LDLRAD4: variants seen among roughly 807,000 people sequenced by gnomAD.
LDLRAD4 encodes the protein low density lipoprotein receptor class A domain containing 4, also known as low-density lipoprotein receptor class A domain-containing protein 4.
In LDLRAD4, 5 loss-of-function variants were observed where a neutral mutation model predicts 17.0. The observed-to-expected ratio is 0.29, with a 90% CI of 0.15 to 0.62. The LOEUF (loss-of-function observed/expected upper bound fraction) is 0.62. Among genes scored for constraint, LDLRAD4 ranks in the 20% least tolerant of loss-of-function variants. LDLRAD4 has a pLI of 0.84. For missense variants in LDLRAD4, 340 were observed against 424.7 expected (o/e 0.80, Z 1.75); for synonymous variants, 168 against 171.8 (o/e 0.98, Z 0.17).
At chr18:13,468,487 A>G (rs2092684401) in intron 3 of LDLRAD4, among the ~76,000 whole-genome samples, 1 of 152,206 alleles carries the variant, frequency 6.6e-6, no homozygotes, top group Non-Finnish European at 1.5e-5. Flanking sequence ...TGACCCAGCA[A>G]TCCCATTACT....
At chr18:13,602,493 A>ATT (rs36122294) in intron 3 of LDLRAD4, among the ~76,000 whole-genome samples, 65 of 94,976 alleles carry the variant, frequency 6.8e-4, no homozygotes, top group East Asian at 1.4e-3. Flanking sequence ...ATGGCATTTA[A>ATT]TTTTTTTTTT....
intron 3 of LDLRAD4, chr18:13,472,416 C>T (rs1203253948): frequency 1.3e-5 from 2 of 152,222 alleles, no homozygotes; most frequent in African/African-American, 4.8e-5. Context: ...ATGAAATGCT[C>T]CAGCATAACA....
chr18:13,461,597 G>A (rs538221483), intron 3 of LDLRAD4: 2 of 152,184 alleles, frequency 1.3e-5, no homozygotes, highest in African/African-American at 2.4e-5. Context: ...TCCTGAGCCC[G>A]GTTACAGAAT....
intron 1 of LDLRAD4, among the ~76,000 whole-genome samples, chr18:13,247,697 T>A (rs1285510888): frequency 6.6e-6 from 1 of 152,132 alleles, no homozygotes; most frequent in Non-Finnish European, 1.5e-5. Context: ...GCAAAGTTTG[T>A]GCCTGGCGGT....
At chr18:13,509,362 C>T (rs1389667747) in intron 3 of LDLRAD4, among the ~76,000 whole-genome samples, 1 of 152,178 alleles carries the variant, frequency 6.6e-6, no homozygotes, top group African/African-American at 2.4e-5. Flanking sequence ...TTGGGTTCCA[C>T]CCCTCCTGGA....
intron 3 of LDLRAD4, among the ~76,000 whole-genome samples, chr18:13,610,083 T>A (rs901483945): frequency 6.6e-6 from 1 of 152,160 alleles, no homozygotes; most frequent in African/African-American, 2.4e-5. Flanking sequence ...CACTGGGGAA[T>A]AGCTGATGGC....
At chr18:13,399,345 C>T (rs1256035848) in intron 2 of LDLRAD4, among the ~76,000 whole-genome samples, 1 of 152,196 alleles carries the variant, frequency 6.6e-6, no homozygotes, top group Non-Finnish European at 1.5e-5. Context: ...TGGTGAGCAA[C>T]CTAACCTCTC....
intron 4 of LDLRAD4, among the ~76,000 whole-genome samples, chr18:13,624,305 C>A (rs904541382): frequency 6.6e-6 from 1 of 152,256 alleles, no homozygotes; most frequent in Non-Finnish European, 1.5e-5. Flanking sequence ...CTCTTCCCAG[C>A]AGTACGAGTT....
intron 1 of LDLRAD4, among the ~76,000 whole-genome samples, chr18:13,307,841 A>G (rs2047003470): frequency 6.6e-6 from 1 of 152,242 alleles, no homozygotes; most frequent in African/African-American, 2.4e-5. Context: ...ATTATCCGTA[A>G]TGGTCAACAA....
chr18:13,499,429 A>T (rs1267013744), intron 3 of LDLRAD4, among the ~76,000 whole-genome samples: 1 of 145,926 alleles, frequency 6.9e-6, no homozygotes, highest in Non-Finnish European at 1.5e-5. Flanking sequence ...CCTTCTCGCC[A>T]CACACGTCCT....
chr18:13,380,006 G>A (rs984308122), intron 1 of LDLRAD4, among the ~76,000 whole-genome samples: 1 of 144,680 alleles, frequency 6.9e-6, no homozygotes, highest in African/African-American at 2.5e-5. Context: ...CCCCCTGCCC[G>A]TCAGCCCGAG....
Position 13,362,928 on chromosome 18 carries a change from C to T in LDLRAD4, c.-382-24413C>T, listed in dbSNP as rs191125096. ...GCTTGAGATATGAGAGCCCAACTCA[C>T]CTTTGGGGAAAAATGGAACATATTT... On this transcript the variant is annotated intron_variant, in intron 1 of 5. Transcript: ENST00000359446. Among the ~76,000 whole-genome samples the T allele has an allele frequency of 3.3e-5, 5 of 151,932 alleles. No homozygotes were observed. In the East Asian group the frequency reaches 9.7e-4, roughly 29 times the overall value.
intron 3 of LDLRAD4, among the ~76,000 whole-genome samples, chr18:13,585,109 C>T (rs746801214): frequency 3.6e-4 from 55 of 152,216 alleles, no homozygotes; most frequent in Non-Finnish European, 6.8e-4. Flanking sequence ...GCGTGTCTGG[C>T]CCCATTGCCG....
rs114088123 is a variant in LDLRAD4, at chr18:13,231,649, G to C, written c.-467+12661G>C. 9.2e-3 allele frequency among the ~76,000 whole-genome samples: 1,398 copies of C among 152,300 alleles called. 26 individuals carry two copies. Among genetic ancestry groups the C allele is most frequent in the African/African-American group, 0.031 (1,275 of 41,552 alleles). ...ACGCTTACATTTCATACTGCATTCA[G>C]TTCACGACAGGAAGCCAGGTTTATC... On this transcript the variant is annotated intron_variant, in intron 1 of 5. Transcript: ENST00000399848.
rs191593782 is a variant in LDLRAD4, at chr18:13,220,049, A to G, written c.-467+1061A>G. Among the ~76,000 whole-genome samples the G allele has an allele frequency of 3.5e-4, 53 of 152,286 alleles. No homozygotes were observed. In the East Asian group the frequency reaches 8.3e-3, roughly 24 times the overall value. The stretch of plus-strand genomic sequence containing the variant: ...AAATGAGGATGTCTGAGTATTACCC[A>G]TGTATATTTATTGAATTATATTTGG... On this transcript the variant is annotated intron_variant, in intron 1 of 5. Coordinates refer to the LDLRAD4 transcript ENST00000399848.
chr18:13,312,400 A>G (rs1467490896), intron 1 of LDLRAD4, among the ~76,000 whole-genome samples: 1 of 152,222 alleles, frequency 6.6e-6, no homozygotes, highest in Non-Finnish European at 1.5e-5. Context: ...AGCATTTCAA[A>G]TAATGATATT....
At chr18:13,498,395 AC>A (rs902687611) in intron 3 of LDLRAD4, among the ~76,000 whole-genome samples, 4 of 136,244 alleles carry the variant, frequency 2.9e-5, no homozygotes, top group African/African-American at 1.1e-4. Flanking sequence ...CTCCCCACAT[AC>A]GTCCCCAGCC....
At chr18:13,604,975 C>A (rs763785126) in intron 3 of LDLRAD4, among the ~76,000 whole-genome samples, 1 of 152,180 alleles carries the variant, frequency 6.6e-6, no homozygotes, top group Non-Finnish European at 1.5e-5. Context: ...TTCCTGGCAT[C>A]TGGCTCTCTC....
At chr18:13,374,628 T>C (rs2084765601) in intron 1 of LDLRAD4, among the ~76,000 whole-genome samples, 1 of 152,252 alleles carries the variant, frequency 6.6e-6, no homozygotes, top group Non-Finnish European at 1.5e-5. Flanking sequence ...TTGGAGCTGA[T>C]GAGACACTGC....
Sources: gnomAD v4.1 joint callset for allele counts (sites outside exome capture counted in the v4.1 genomes callset) on GRCh38, gnomAD v4.1.1 for gene constraint, MANE v1.5 for transcripts, NCBI Gene and HGNC (gene_info 2026-07-23, HGNC 2026-07-21) for gene names.